Variants in SFXN4 observed in about 807,000 individuals in gnomAD.
The protein encoded by SFXN4 is sideroflexin-4.
SFXN4 carries 48 observed loss-of-function variants against 54.6 expected under a neutral mutation model. The observed-to-expected ratio is 0.88, with a 90% CI of 0.70 to 1.12. SFXN4 has a LOEUF of 1.12. Ranked by LOEUF, SFXN4 falls within the 50% of genes most tolerant of loss-of-function variation. SFXN4 has a pLI of 0.00. For missense variants in SFXN4, 383 were observed against 409.2 expected, an observed-to-expected ratio of 0.94 and a Z score of 0.55; for synonymous variants, 130 against 145.5, an observed-to-expected ratio of 0.89 and a Z score of 0.77.
chr10:119,144,463 A>T (rs555129662), intron 13 of SFXN4, among the ~76,000 whole-genome samples: 122 of 152,330 alleles, frequency 8.0e-4, no homozygotes, highest in African/African-American at 2.9e-3. Flanking sequence ...TCTCAAAAAA[A>T]AAAAATTGCT....
chr10:119,160,267 G>A (rs1847465054), intron 5 of SFXN4, among the ~76,000 whole-genome samples: 1 of 152,014 alleles, frequency 6.6e-6, no homozygotes, highest in Non-Finnish European at 1.5e-5. Flanking sequence ...CCAGCACTTT[G>A]GGAGGCCAAG....
At position 119,141,113 on chromosome 10, in the gene SFXN4, C is replaced by T. The variant is rs2275110; in HGVS notation, c.*129G>A. The stretch of plus-strand genomic sequence containing the variant: ...CCTGGGAACGATCTCAGTATGGAAT[C>T]TGAAGTCGCCTTGTCAGCACAGACA... On this transcript the variant is annotated 3_prime_UTR_variant, in exon 14 of 14. Coordinates refer to ENST00000355697, the MANE Select transcript of SFXN4 (RefSeq NM_213649.2). The T allele has an allele frequency of 0.029, 17,978 of 628,966 alleles. 1,150 individuals carry two copies. The highest frequency in any genetic ancestry group is 0.16 in the East Asian group (5,663 of 35,576). The allele number at this position is 628,966 out of a possible 1,614,324, so 39.0% of individuals were successfully genotyped here. A position where few individuals can be genotyped will look rare whatever the true frequency, so the allele number is the denominator to read the frequency against.
rs771174612 is a variant in SFXN4 at position 119,147,769 on chromosome 10, T to C, written c.818+6A>G. ...CCCTACCTGGGGATATGACCGTGTCTCTTACCTTTTAAAAAAGTAGGTGAA... is the reference window on the plus strand; with the variant it reads ...CCCTACCTGGGGATATGACCGTGTCCCTTACCTTTTAAAAAAGTAGGTGAA... On this transcript the variant is annotated splice_donor_region_variant and intron_variant, in intron 12 of 13. Coordinates refer to ENST00000355697, the MANE Select transcript of SFXN4 (RefSeq NM_213649.2). The C allele has an allele frequency of 1.2e-6, 2 of 1,612,484 alleles. No homozygotes were observed. Among genetic ancestry groups the C allele is most frequent in the South Asian group, 2.2e-5 (2 of 91,054 alleles).
At chr10:119,157,400 C>A (rs1847315887) in intron 9 of SFXN4, among the ~76,000 whole-genome samples, 2 of 141,826 alleles carry the variant, frequency 1.4e-5, no homozygotes, top group South Asian at 2.2e-4. Context: ...TACTGCACTC[C>A]AACCTGGGCA....
At chr10:119,160,751 A>C (rs1847495294) in intron 5 of SFXN4, among the ~76,000 whole-genome samples, 164 bp downstream of exon 5, 1 of 151,932 alleles carries the variant, frequency 6.6e-6, no homozygotes, top group Non-Finnish European at 1.5e-5. Context: ...ACGTGCCACC[A>C]CAATGCCCAA....
rs773000369 is a variant in SFXN4 at position 119,155,078 on chromosome 10, C to G, written c.716G>C (p.Arg239Thr). The stretch of plus-strand genomic sequence containing the variant: ...GTCTCTTACCTTTGTCCCAGCAATT[C>G]TGGAATGACCCAGGACATTGCCTTC... ...DKEGNVLGHSRIAGTKAVRET... is the reference protein window; with the variant it reads ...DKEGNVLGHSTIAGTKAVRET... Residue 239 changes from arginine to threonine, a missense_variant, in exon 11 of 14, where the codon AGA becomes ACA. By Grantham distance (71) the Arg-to-Thr change is moderately conservative. Transcript: ENST00000355697. 1 of 1,613,704 alleles carries G rather than the reference C, an allele frequency of 6.2e-7. No individual in the cohort carries two copies. The highest frequency in any genetic ancestry group is 8.5e-7 in the Non-Finnish European group (1 of 1,179,554).
intron 13 of SFXN4, among the ~76,000 whole-genome samples, chr10:119,142,123 C>G (rs1417078196): frequency 6.6e-6 from 1 of 152,088 alleles, no homozygotes; most frequent in East Asian, 1.9e-4. Context: ...ATCACTTGAG[C>G]CTGGGAGTCA....
intron 6 of SFXN4, 91 bp downstream of exon 6, chr10:119,159,637 C>T: frequency 7.4e-7 from 1 of 1,355,248 alleles, no homozygotes; most frequent in Non-Finnish European, 1.1e-6. Flanking sequence ...TGACAGGGGT[C>T]CGGAGCTGGA....
At chr10:119,144,236 C>G (rs1027975529) in intron 13 of SFXN4, among the ~76,000 whole-genome samples, 1 of 152,120 alleles carries the variant, frequency 6.6e-6, no homozygotes, top group Non-Finnish European at 1.5e-5. Context: ...GCGGGCGGAT[C>G]ACGAGGTCAG....
At chr10:119,163,194 G>A (rs1847625252) in intron 2 of SFXN4, among the ~76,000 whole-genome samples, 1 of 151,200 alleles carries the variant, frequency 6.6e-6, no homozygotes, top group Admixed American at 6.6e-5. Flanking sequence ...GTAAACATCT[G>A]GTTATATTTG....
chr10:119,143,778 A>C (rs1015200592), intron 13 of SFXN4, among the ~76,000 whole-genome samples: 1 of 151,894 alleles, frequency 6.6e-6, no homozygotes, highest in Non-Finnish European at 1.5e-5. Flanking sequence ...CACCCGACCT[A>C]ATTTTTAGAA....
chr10:119,146,781 T>G (rs1419605514), intron 12 of SFXN4, among the ~76,000 whole-genome samples: 1 of 152,138 alleles, frequency 6.6e-6, no homozygotes, highest in African/African-American at 2.4e-5. Context: ...TTGGCCAGGA[T>G]GGTCTAGAAC....
chr10:119,162,518 G>A (rs1847595748), intron 2 of SFXN4, 104 bp from the exon 3 acceptor site: 4 of 863,302 alleles, frequency 4.6e-6, no homozygotes, highest in South Asian at 3.0e-5. Context: ...ACTGGACTTC[G>A]ACTGCATGCC....
chr10:119,165,663 G>T lies in SFXN4; in HGVS notation c.-16C>A. Reference sequence around the variant, plus strand: ...CCAGGGACATTTTGCGCTGGTTAGAGTGGCCGCCGCCGCCAGGCCGCGCGT... The same window carrying T: ...CCAGGGACATTTTGCGCTGGTTAGATTGGCCGCCGCCGCCAGGCCGCGCGT... On this transcript the variant is annotated 5_prime_UTR_variant, in exon 1 of 14. Transcript: ENST00000355697. The T allele has an allele frequency of 6.5e-7, 1 of 1,548,494 alleles. No individual in the cohort carries two copies.
intron 6 of SFXN4, chr10:119,158,287 C>G: frequency 1.7e-6 from 1 of 577,846 alleles, no homozygotes; most frequent in Non-Finnish European, 3.1e-6. Context: ...AACAGCAGGC[C>G]GTGTCTCCAG....
In SFXN4 at chr10:119,165,533, G is replaced by T; in HGVS notation, c.111+4C>A. Reference sequence around the variant, plus strand: ...CCCCTAGTCGCGCCGGGCCCGGGCCGTACTTGGCGCTCGGTGATCCAGAAG... The same window carrying T: ...CCCCTAGTCGCGCCGGGCCCGGGCCTTACTTGGCGCTCGGTGATCCAGAAG... On this transcript the variant is annotated splice_donor_region_variant and intron_variant, in intron 1 of 13. Coordinates refer to ENST00000355697, the MANE Select transcript of SFXN4 (RefSeq NM_213649.2). 6.3e-7 allele frequency: 1 copy of T among 1,579,392 alleles called. No individual in the cohort carries two copies. The highest frequency in any genetic ancestry group is 8.6e-7 in the Non-Finnish European group (1 of 1,167,416).
At chr10:119,145,471 T>C (rs992113680) in intron 13 of SFXN4, among the ~76,000 whole-genome samples, 3 of 151,918 alleles carry the variant, frequency 2.0e-5, no homozygotes, top group Non-Finnish European at 2.9e-5. Flanking sequence ...CCGTGGCTAA[T>C]TTTTGTATTT....
intron 13 of SFXN4, among the ~76,000 whole-genome samples, chr10:119,144,191 T>A (rs1471163784): frequency 6.6e-6 from 1 of 152,182 alleles, no homozygotes; most frequent in Non-Finnish European, 1.5e-5. Context: ...GCGTGGTGGC[T>A]CACGCCTGTA....
intron 11 of SFXN4, among the ~76,000 whole-genome samples, chr10:119,151,434 G>C (rs1847065794): frequency 9.6e-6 from 1 of 104,328 alleles, no homozygotes; most frequent in African/African-American, 3.6e-5. Context: ...GGGGGTGGGG[G>C]TGGGCATTTG....
Sources: allele counts gnomAD v4.1 joint callset (sites outside exome capture counted in the v4.1 genomes callset), GRCh38; gene constraint gnomAD v4.1.1; transcripts MANE v1.5; gene names NCBI Gene and HGNC (gene_info 2026-07-23, HGNC 2026-07-21).